Variants in INPP4B observed in about 807,000 individuals in gnomAD.
INPP4B encodes inositol polyphosphate-4-phosphatase type II B, also known as inositol polyphosphate 4-phosphatase type II.
INPP4B carries 55 observed loss-of-function variants against 122.5 expected under a neutral mutation model. The ratio of observed to expected loss-of-function variants is 0.45; its 90% CI spans 0.36 to 0.56. INPP4B has a LOEUF of 0.56. INPP4B is among the 20% of genes least tolerant of loss of function. The pLI, the probability that INPP4B is intolerant of heterozygous loss-of-function variation, is 0.00. For synonymous variants in INPP4B, 403 were observed against 388.7 expected (o/e 1.04, Z -0.43); for missense variants, 1,000 against 1,097.7 (o/e 0.91, Z 1.26).
intron 15 of INPP4B, among the ~76,000 whole-genome samples, chr4:142,181,926 T>G (rs1465097356): frequency 2.0e-5 from 3 of 152,204 alleles, no homozygotes; most frequent in African/African-American, 7.2e-5. Flanking sequence ...GCACAAATAA[T>G]TTATTTTAAA....
At chr4:142,446,720 A>T (rs567389422) in intron 3 of INPP4B, among the ~76,000 whole-genome samples, 21 of 152,304 alleles carry the variant, frequency 1.4e-4, no homozygotes, top group Admixed American at 1.0e-3. Context: ...TAAACTTCAC[A>T]AAGTACTGAG....
intron 12 of INPP4B, among the ~76,000 whole-genome samples, chr4:142,232,164 T>G (rs916296312): frequency 6.6e-6 from 1 of 152,220 alleles, no homozygotes; most frequent in Non-Finnish European, 1.5e-5. Context: ...GAGTTCATAT[T>G]GTATTTACTA....
chr4:142,667,560 C>A (rs1233070337), intron 2 of INPP4B, among the ~76,000 whole-genome samples: 8 of 152,164 alleles, frequency 5.3e-5, no homozygotes, highest in Non-Finnish European at 1.2e-4. Flanking sequence ...AGTCATTTAA[C>A]TTCTCTAAGC....
chr4:142,197,888 A>G (rs1230472163), intron 14 of INPP4B, among the ~76,000 whole-genome samples: 1 of 152,098 alleles, frequency 6.6e-6, no homozygotes, highest in Non-Finnish European at 1.5e-5. Context: ...GATCTGATAT[A>G]TTTTCCAAAG....
intron 7 of INPP4B, among the ~76,000 whole-genome samples, chr4:142,384,501 G>T (rs564768512): frequency 4.5e-4 from 69 of 152,240 alleles, no homozygotes; most frequent in African/African-American, 1.6e-3. Flanking sequence ...ACAATGGTAA[G>T]TATTTGTATA....
intron 1 of INPP4B, among the ~76,000 whole-genome samples, chr4:142,732,057 A>G (rs1766171657): frequency 6.6e-6 from 1 of 152,200 alleles, no homozygotes. Flanking sequence ...AAAAGGAAAA[A>G]AGTCTAAAGC....
chr4:142,694,118 A>G (rs1450925213), intron 2 of INPP4B, among the ~76,000 whole-genome samples: 1 of 152,152 alleles, frequency 6.6e-6, no homozygotes, highest in East Asian at 1.9e-4. Flanking sequence ...CACACCTGTA[A>G]TCCCAGCACT....
Position 142,123,336 on chromosome 4 carries a change from G to C in INPP4B, c.1973C>G (p.Thr658Arg). 1 of 1,612,646 alleles carries C rather than the reference G, an allele frequency of 6.2e-7. No individual in the cohort carries two copies. Among genetic ancestry groups the C allele is most frequent in the African/African-American group, 1.3e-5 (1 of 74,908 alleles). ...TTCATATTGTACTATCAACCCCACT[G>C]TGTGAAGCTGCTGTAGGAAGCCTGG... is the stretch of plus-strand genomic sequence containing the variant. ...YDPGFLQQLH[T>R]VGLIVQYEGL... Residue 658 changes from threonine to arginine, a missense_variant, in exon 20 of 26, where the codon ACA (threonine) becomes AGA (arginine). Transcript: ENST00000262992.
chr4:142,367,934 C>A (rs137874752), intron 7 of INPP4B, among the ~76,000 whole-genome samples: 1 of 152,118 alleles, frequency 6.6e-6, no homozygotes, highest in South Asian at 2.1e-4. Flanking sequence ...GGAAATATTA[C>A]ATGCCAAACT....
chr4:142,282,557 G>T (rs772553504), intron 9 of INPP4B, among the ~76,000 whole-genome samples: 1 of 152,080 alleles, frequency 6.6e-6, no homozygotes, highest in African/African-American at 2.4e-5. Flanking sequence ...AAAAATCCAC[G>T]TTATAACTAA....
Position 142,063,414 on chromosome 4 carries a change from G to T in INPP4B, c.2642+18617C>A, listed in dbSNP as rs1377376703. ...TTAAAAAGCTTCTTTTTCTCTTCTA[G>T]TCCTCCACACACACAAGTCCAGATT... On this transcript the variant is annotated intron_variant, in intron 25 of 25. Transcript: ENST00000262992. 2.6e-5 allele frequency among the ~76,000 whole-genome samples: 4 copies of T among 152,088 alleles called. No individual in the cohort carries two copies. The East Asian group carries it at 7.7e-4, about 29-fold the overall frequency.
At chr4:142,496,692 C>A (rs1045531861) in intron 2 of INPP4B, among the ~76,000 whole-genome samples, 1 of 151,926 alleles carries the variant, frequency 6.6e-6, no homozygotes, top group Admixed American at 6.6e-5. Flanking sequence ...AAATGTATTC[C>A]TATATATTTG....
chr4:142,087,588 A>T (rs1777468396), intron 23 of INPP4B, among the ~76,000 whole-genome samples: 1 of 152,236 alleles, frequency 6.6e-6, no homozygotes, highest in African/African-American at 2.4e-5. Context: ...ACTGAGGCTA[A>T]AAACAGGAGA....
chr4:142,294,904 T>A (rs969043767), intron 9 of INPP4B, among the ~76,000 whole-genome samples: 3 of 146,076 alleles, frequency 2.1e-5, no homozygotes, highest in Non-Finnish European at 4.5e-5. Context: ...ATACCTGGGC[T>A]GAGCAGATGT....
At chr4:142,721,170 T>C (rs1290175254) in intron 2 of INPP4B, among the ~76,000 whole-genome samples, 1 of 151,960 alleles carries the variant, frequency 6.6e-6, no homozygotes, top group Non-Finnish European at 1.5e-5. Flanking sequence ...TTTAGTCTTT[T>C]ACTGGGAATT....
intron 22 of INPP4B, 75 bp downstream of exon 22, chr4:142,112,467 T>C: frequency 2.8e-6 from 4 of 1,415,948 alleles, no homozygotes; most frequent in Non-Finnish European, 3.9e-6. Flanking sequence ...TACATGCAGA[T>C]ACATGGGACT....
At chr4:142,088,548 G>A (rs992450425) in intron 23 of INPP4B, among the ~76,000 whole-genome samples, 7 of 152,028 alleles carry the variant, frequency 4.6e-5, no homozygotes, top group African/African-American at 1.7e-4. Flanking sequence ...CTGTATGTTG[G>A]CTTCTCTTGG....
chr4:142,093,206 T>G (rs1366217219), intron 23 of INPP4B, among the ~76,000 whole-genome samples: 1 of 152,162 alleles, frequency 6.6e-6, no homozygotes. Context: ...GCCCAGCCTT[T>G]GAGTGAGGTT....
intron 5 of INPP4B, among the ~76,000 whole-genome samples, chr4:142,408,128 AC>A (rs1359468521): frequency 6.6e-6 from 1 of 152,198 alleles, no homozygotes; most frequent in Non-Finnish European, 1.5e-5. Context: ...AATCAGTCCC[AC>A]CAGACGGCTG....
Sources: gnomAD v4.1 joint callset for allele counts (sites outside exome capture counted in the v4.1 genomes callset) on GRCh38, gnomAD v4.1.1 for gene constraint, MANE v1.5 for transcripts, NCBI Gene and HGNC (gene_info 2026-07-23, HGNC 2026-07-21) for gene names.